The following SGCZ variants were observed in gnomAD, a reference collection of about 807,000 sequenced individuals.
The protein encoded by SGCZ is sarcoglycan zeta.
A neutral mutation model predicts 41.3 loss-of-function variants in SGCZ; 40 were observed. That is an observed-to-expected ratio of 0.97 (90% CI 0.75 to 1.26). The LOEUF (loss-of-function observed/expected upper bound fraction) is 1.26. Ranked by LOEUF, SGCZ falls within the 50% of genes most tolerant of loss-of-function variation. SGCZ has a pLI of 0.00. For synonymous variants in SGCZ, 206 were observed against 137.5 expected (o/e 1.50, Z -3.49); for missense variants, 552 against 369.8 (o/e 1.49, Z -4.04).
intron 1 of SGCZ, among the ~76,000 whole-genome samples, chr8:14,594,293 A>T (rs1231377924): frequency 2.6e-5 from 4 of 152,186 alleles, no homozygotes; most frequent in African/African-American, 7.2e-5. Flanking sequence ...AAGGATTTGC[A>T]TCTTTATCAA....
intron 1 of SGCZ, among the ~76,000 whole-genome samples, chr8:14,727,400 T>G (rs1563229218): frequency 6.6e-6 from 1 of 152,174 alleles, no homozygotes; most frequent in African/African-American, 2.4e-5. Flanking sequence ...ATGGAAAAAG[T>G]ACTTTGGAAA....
At chr8:14,640,574 G>T (rs1435142426) in intron 1 of SGCZ, among the ~76,000 whole-genome samples, 1 of 151,274 alleles carries the variant, frequency 6.6e-6, no homozygotes, top group African/African-American at 2.4e-5. Context: ...TATATAACAT[G>T]CAAATAAAAA....
chr8:15,191,392 A>C (rs1800532478), intron 1 of SGCZ, among the ~76,000 whole-genome samples: 1 of 152,130 alleles, frequency 6.6e-6, no homozygotes. Flanking sequence ...AATATATTTG[A>C]CCAAGTTGAA....
intron 1 of SGCZ, among the ~76,000 whole-genome samples, chr8:15,167,017 G>C (rs989418170): frequency 2.0e-5 from 3 of 150,072 alleles, no homozygotes; most frequent in African/African-American, 7.4e-5. Flanking sequence ...TTCTTGTTTT[G>C]TTTTTTTTTC....
At chr8:15,209,151 C>A (rs1017323711) in intron 1 of SGCZ, among the ~76,000 whole-genome samples, 18 of 151,986 alleles carry the variant, frequency 1.2e-4, no homozygotes, top group Non-Finnish European at 2.5e-4. Context: ...TAAATGACTT[C>A]TAAAGCACCT....
At chr8:14,443,967 A>T (rs1384556217) in intron 2 of SGCZ, among the ~76,000 whole-genome samples, 6 of 152,300 alleles carry the variant, frequency 3.9e-5, no homozygotes, top group African/African-American at 9.6e-5. Context: ...ATTTACAAGA[A>T]ACAAACAAAC....
In SGCZ at chr8:14,797,374, T is replaced by C. The variant is rs1038527026; in HGVS notation, c.40-242448A>G. Among the ~76,000 whole-genome samples, 5 of 152,176 alleles carry C rather than the reference T, an allele frequency of 3.3e-5. No individual in the cohort carries two copies. In the South Asian group the frequency reaches 8.3e-4, roughly 25 times the overall value. On this transcript the variant is annotated intron_variant, in intron 1 of 7. Transcript: ENST00000382080. ...TGGAGACGAGGAACTTGTTGGTAAATGGAGCAAAGAGGACACTTGTTCTGC... is the reference window on the plus strand; with the variant it reads ...TGGAGACGAGGAACTTGTTGGTAAACGGAGCAAAGAGGACACTTGTTCTGC...
chr8:14,125,280 G>T (rs1301276080), intron 5 of SGCZ, among the ~76,000 whole-genome samples: 1 of 152,154 alleles, frequency 6.6e-6, no homozygotes, highest in African/African-American at 2.4e-5. Context: ...GAGGTGGGTG[G>T]TTCACAAGGT....
chr8:14,617,865 T>C (rs1806157302), intron 1 of SGCZ, among the ~76,000 whole-genome samples: 1 of 152,066 alleles, frequency 6.6e-6, no homozygotes, highest in Non-Finnish European at 1.5e-5. Flanking sequence ...TGTGTGTGTG[T>C]GTGTGTGTGT....
chr8:14,673,833 T>A (rs1308704029), intron 1 of SGCZ, among the ~76,000 whole-genome samples: 1 of 152,144 alleles, frequency 6.6e-6, no homozygotes, highest in African/African-American at 2.4e-5. Context: ...CTAAAATTAA[T>A]GCAAAAGAAA....
chr8:14,204,042 T>C (rs540824529), intron 4 of SGCZ, among the ~76,000 whole-genome samples: 2 of 152,150 alleles, frequency 1.3e-5, no homozygotes, highest in African/African-American at 4.8e-5. Context: ...GACAGCCTGG[T>C]GCATGTTGGA....
At chr8:14,383,806 G>A (rs1028587395) in intron 2 of SGCZ, among the ~76,000 whole-genome samples, 2 of 152,120 alleles carry the variant, frequency 1.3e-5, no homozygotes, top group African/African-American at 4.8e-5. Context: ...ATGTAGGCCA[G>A]ACCACTGAGG....
chr8:14,530,380 A>G (rs984294259), intron 2 of SGCZ, among the ~76,000 whole-genome samples: 3 of 151,944 alleles, frequency 2.0e-5, no homozygotes, highest in African/African-American at 7.2e-5. Context: ...TTTAAACTTT[A>G]TTTTTCTGTC....
intron 1 of SGCZ, among the ~76,000 whole-genome samples, chr8:14,785,467 C>A (rs1446012566): frequency 6.6e-6 from 1 of 152,012 alleles, no homozygotes; most frequent in Non-Finnish European, 1.5e-5. Context: ...CATGGTATAA[C>A]ATTAAATTAG....
chr8:14,806,872 G>C (rs1385645404), intron 1 of SGCZ, among the ~76,000 whole-genome samples: 4 of 151,002 alleles, frequency 2.6e-5, no homozygotes, highest in Non-Finnish European at 5.9e-5. Flanking sequence ...ACATCAAAAA[G>C]CTTATCCACC....
intron 3 of SGCZ, among the ~76,000 whole-genome samples, chr8:14,284,155 C>A (rs1292826737): frequency 1.3e-5 from 2 of 152,172 alleles, no homozygotes; most frequent in Admixed American, 1.3e-4. Flanking sequence ...ACTTTGGAGT[C>A]CAAGGCAGGC....
At chr8:14,956,698 C>A (rs1800804578) in intron 1 of SGCZ, among the ~76,000 whole-genome samples, 1 of 152,036 alleles carries the variant, frequency 6.6e-6, no homozygotes, top group Admixed American at 6.6e-5. Context: ...ATATAAAAGT[C>A]ATCATACAAC....
At chr8:14,600,759 T>A (rs1420927573) in intron 1 of SGCZ, among the ~76,000 whole-genome samples, 1 of 152,210 alleles carries the variant, frequency 6.6e-6, no homozygotes, top group Non-Finnish European at 1.5e-5. Context: ...GGTATCCTTG[T>A]ACTATTTTAG....
intron 1 of SGCZ, among the ~76,000 whole-genome samples, chr8:15,060,419 A>C (rs1316186994): frequency 2.7e-5 from 4 of 150,532 alleles, no homozygotes; most frequent in Non-Finnish European, 1.5e-5. Context: ...TATCACAAGG[A>C]CAGAAAACCA....
Sources: allele counts gnomAD v4.1 joint callset (sites outside exome capture counted in the v4.1 genomes callset), GRCh38; gene constraint gnomAD v4.1.1; transcripts MANE v1.5; gene names NCBI Gene and HGNC (gene_info 2026-07-23, HGNC 2026-07-21).